The following RBM27 variants were observed in gnomAD, a reference collection of about 807,000 sequenced individuals.
RBM27 encodes the protein RNA binding motif protein 27.
A neutral mutation model predicts 135.3 loss-of-function variants in RBM27; 22 were observed. The ratio of observed to expected loss-of-function variants is 0.16; its 90% CI spans 0.12 to 0.23. The LOEUF (loss-of-function observed/expected upper bound fraction) is 0.23. Ranked by LOEUF, RBM27 falls within the 10% of genes least tolerant of loss-of-function variation. The pLI is 1.00. For synonymous variants in RBM27, 481 were observed against 442.4 expected (o/e 1.09, Z -1.10); for missense variants, 1,009 against 1,281.0 (o/e 0.79, Z 3.24).
intron 8 of RBM27, among the ~76,000 whole-genome samples, chr5:146,249,300 ATAC>A (rs1161651004): frequency 6.6e-6 from 1 of 152,124 alleles, no homozygotes. Flanking sequence ...TCTCTTTAAC[ATAC>A]TACTACATTC....
intron 13 of RBM27, 124 bp from the exon 14 acceptor site, chr5:146,263,367 A>G: frequency 1.1e-6 from 1 of 884,416 alleles, no homozygotes; most frequent in South Asian, 1.9e-5. Context: ...CCTTACGGAT[A>G]ATTGAAGCAC....
intron 14 of RBM27, among the ~76,000 whole-genome samples, chr5:146,265,179 G>A (rs1400883036): frequency 6.6e-6 from 1 of 152,050 alleles, no homozygotes. Context: ...AATAACAAAA[G>A]ACTGGAAACA....
chr5:146,287,869 C>T lies in RBM27; in HGVS notation c.*1839C>T, dbSNP rs1759645614. 1 of 152,076 alleles carries T rather than the reference C, an allele frequency of 6.6e-6. No homozygotes were observed. Among genetic ancestry groups the T allele is most frequent in the Non-Finnish European group, 1.5e-5 (1 of 67,966 alleles). The allele number at this position is 152,076 out of a possible 1,614,324, so 9.4% of individuals were successfully genotyped here. A position where few individuals can be genotyped will look rare whatever the true frequency, so the allele number is the denominator to read the frequency against. Reference sequence around the variant, plus strand: ...GTATCTAGAATACACAATCTTGCTCCTTACTCCTCCATCATCTCTAATGAA... The same window carrying T: ...GTATCTAGAATACACAATCTTGCTCTTTACTCCTCCATCATCTCTAATGAA... On this transcript the variant is annotated 3_prime_UTR_variant, in exon 21 of 21. Transcript: ENST00000265271.
Position 146,285,548 on chromosome 5 carries a change from C to T in RBM27, c.3100-399C>T, listed in dbSNP as rs554886981. On this transcript the variant is annotated intron_variant, in intron 20 of 20. Coordinates refer to ENST00000265271, the MANE Select transcript of RBM27 (RefSeq NM_018989.2). Reference sequence around the variant, plus strand: ...CATGGGGAAGCTAGTATATTCACCTCTCACAAACAATTGGATGGATATAAA... The same window carrying T: ...CATGGGGAAGCTAGTATATTCACCTTTCACAAACAATTGGATGGATATAAA... 3.3e-5 allele frequency among the ~76,000 whole-genome samples: 5 copies of T among 152,208 alleles called. No homozygotes were observed. The East Asian group carries it at 9.6e-4, about 29-fold the overall frequency.
intron 18 of RBM27, 26 bp from the exon 19 acceptor site, chr5:146,271,457 A>G (rs1758860344): frequency 6.4e-7 from 1 of 1,571,506 alleles, no homozygotes; most frequent in Non-Finnish European, 8.7e-7. Flanking sequence ...AATGTATGCT[A>G]CATTCTACTT....
chr5:146,276,441 A>G (rs1472201204), intron 19 of RBM27, among the ~76,000 whole-genome samples: 15 of 152,184 alleles, frequency 9.9e-5, no homozygotes, highest in African/African-American at 3.1e-4. Flanking sequence ...CTTACTGGCA[A>G]AAACCTCTAA....
At chr5:146,227,327 T>C (rs1034142391) in intron 3 of RBM27, among the ~76,000 whole-genome samples, 1 of 152,250 alleles carries the variant, frequency 6.6e-6, no homozygotes, top group African/African-American at 2.4e-5. Context: ...GATTTTGCTG[T>C]CTGCATCCCA....
intron 19 of RBM27, among the ~76,000 whole-genome samples, chr5:146,283,412 C>T (rs1003453507): frequency 6.6e-6 from 1 of 152,066 alleles, no homozygotes; most frequent in Non-Finnish European, 1.5e-5. Context: ...TGGTGCATGC[C>T]TGTGGTCTCA....
intron 19 of RBM27, among the ~76,000 whole-genome samples, chr5:146,279,679 C>T (rs72806155): frequency 0.065 from 9,865 of 151,302 alleles, 367 homozygotes; most frequent in African/African-American, 0.077. Flanking sequence ...GTGGTGGCAT[C>T]TGCCTGTAGT....
chr5:146,270,425 T>C (rs1214610763), intron 17 of RBM27, among the ~76,000 whole-genome samples: 1 of 152,180 alleles, frequency 6.6e-6, no homozygotes, highest in Non-Finnish European at 1.5e-5. Flanking sequence ...AAAAATGTTT[T>C]TTATTGAAAT....
At chr5:146,213,124 T>C (rs1166925503) in intron 1 of RBM27, among the ~76,000 whole-genome samples, 11 of 150,458 alleles carry the variant, frequency 7.3e-5, no homozygotes, top group African/African-American at 2.0e-4. Flanking sequence ...GTTGTTGATA[T>C]GGAGTTTTGC....
intron 2 of RBM27, among the ~76,000 whole-genome samples, chr5:146,220,154 G>A (rs1198535415): frequency 1.3e-5 from 2 of 152,242 alleles, no homozygotes; most frequent in African/African-American, 4.8e-5. Context: ...GGAACCTACA[G>A]TACTTGGTAC....
chr5:146,209,302 A>G (rs1231451533), intron 1 of RBM27, among the ~76,000 whole-genome samples: 4 of 152,216 alleles, frequency 2.6e-5, no homozygotes, highest in Non-Finnish European at 5.9e-5. Context: ...AGTCTATTAC[A>G]AGACAGACTA....
intron 6 of RBM27, 139 bp from the exon 7 acceptor site, chr5:146,233,311 A>C: frequency 7.4e-7 from 1 of 1,346,236 alleles, no homozygotes; most frequent in Non-Finnish European, 9.8e-7. Context: ...TGCTTAACAG[A>C]GTAACACTGA....
Position 146,233,606 on chromosome 5 carries a change from T to G in RBM27, c.1007T>G (p.Met336Arg). 1 of 1,609,992 alleles carries G rather than the reference T, an allele frequency of 6.2e-7. No homozygotes were observed. The highest frequency in any genetic ancestry group is 8.5e-7 in the Non-Finnish European group (1 of 1,177,442). ...CCTCCTGGAATGTTAATGCCTCCAA[T>G]GCCAGGTCCAGGCCCAGGCCCGGGC... is the stretch of plus-strand genomic sequence containing the variant. The part of the protein sequence containing the change: ...PPPPGMLMPP[M>R]PGPGPGPGPG... The change falls in exon 7 of 21, where the codon ATG becomes AGG. Residue 336 changes from methionine (M) to arginine (R), a missense_variant. Physicochemically the swap from Met to Arg is moderately conservative, Grantham distance 91. Transcript: ENST00000265271.
rs1262968980 is a variant in RBM27 at position 146,229,845 on chromosome 5, G to A, written c.524G>A (p.Gly175Asp). 1 of 1,614,012 alleles carries A rather than the reference G, an allele frequency of 6.2e-7. No homozygotes were observed. Among genetic ancestry groups the A allele is most frequent in the Non-Finnish European group, 8.5e-7 (1 of 1,179,966 alleles). Residue 175 changes from glycine to aspartate, a missense_variant, in exon 5 of 21, where the codon GGC (glycine) becomes GAC (aspartate). Around this residue, in one of 6 missense-constraint regions of RBM27, gnomAD observed 268 missense variants for 326.6 expected, o/e 0.82. Transcript: ENST00000265271. ...GRSKSRSKSRGLSRSRSRSRG... is the reference protein window; with the variant it reads ...GRSKSRSKSRDLSRSRSRSRG... ...AGTAAGAGTCGGAGTAAGAGTCGAGGCCTGAGTCGCAGTAGAAGCCGAAGT... is the reference window on the plus strand; with the variant it reads ...AGTAAGAGTCGGAGTAAGAGTCGAGACCTGAGTCGCAGTAGAAGCCGAAGT...
rs748464307 is a variant in RBM27, at chr5:146,258,436, T to C, written c.1595-13T>C. 2.0e-5 allele frequency: 31 copies of C among 1,532,126 alleles called. No homozygotes were observed. The Middle Eastern group carries it at 1.1e-3, about 52-fold the overall frequency. The allele number at this position is 1,532,126 out of a possible 1,614,324, so 94.9% of individuals were successfully genotyped here. A position where few individuals can be genotyped will look rare whatever the true frequency, so the allele number is the denominator to read the frequency against. On this transcript the variant is annotated splice_polypyrimidine_tract_variant and intron_variant, in intron 10 of 20. Coordinates refer to ENST00000265271, the MANE Select transcript of RBM27 (RefSeq NM_018989.2). ...CTGAAAAACTCAGTAATTTCAATTT[T>C]TTTTTCCAACAGCTGCTAACATTGT... is the stretch of plus-strand genomic sequence containing the variant.
At chr5:146,215,065 T>G (rs1375804047) in intron 1 of RBM27, among the ~76,000 whole-genome samples, 1 of 152,242 alleles carries the variant, frequency 6.6e-6, no homozygotes, top group Non-Finnish European at 1.5e-5. Context: ...TTTCTTTTTT[T>G]TTGAGACTGA....
Position 146,288,007 on chromosome 5 carries a change from T to C in RBM27, c.*1977T>C, listed in dbSNP as rs1759650549. 6.6e-6 allele frequency: 1 copy of C among 152,034 alleles called. No individual in the cohort carries two copies. The highest frequency in any genetic ancestry group is 1.5e-5 in the Non-Finnish European group (1 of 67,972). The allele number at this position is 152,034 out of a possible 1,614,324, so 9.4% of individuals were successfully genotyped here. ...ATAGAGGGAACAAAGGATTTATATA[T>C]TTTTTGTACAAAGTTTTTTCTTAAA... On this transcript the variant is annotated 3_prime_UTR_variant, in exon 21 of 21. Transcript: ENST00000265271.
Sources: allele counts gnomAD v4.1 joint callset (sites outside exome capture counted in the v4.1 genomes callset), GRCh38; gene constraint gnomAD v4.1.1; regional missense constraint gnomAD v4.1.1; transcripts MANE v1.5; gene names NCBI Gene and HGNC (gene_info 2026-07-23, HGNC 2026-07-21).